AMZ1: variants seen among roughly 807,000 people sequenced by gnomAD.
AMZ1 encodes archaemetzincin-1.
In AMZ1, 39 loss-of-function variants were observed where a neutral mutation model predicts 29.9. The ratio of observed to expected loss-of-function variants is 1.30; its 90% CI spans 1.01 to 1.70. AMZ1 has a LOEUF of 1.70. Ranked by LOEUF, AMZ1 falls within the 40% of genes most tolerant of loss-of-function variation. The probability of loss-of-function intolerance (pLI) is 0.00; values close to 1 mark genes in which losing one functional copy is unlikely to be tolerated. For missense variants in AMZ1, 1,041 were observed against 680.6 expected, an observed-to-expected ratio of 1.53 and a Z score of -5.89; for synonymous variants, 458 against 304.0, an observed-to-expected ratio of 1.51 and a Z score of -5.27.
At chr7:2,738,422 A>G (rs1790322822) in intron 4 of AMZ1, among the ~76,000 whole-genome samples, 1 of 152,214 alleles carries the variant, frequency 6.6e-6, no homozygotes, top group Non-Finnish European at 1.5e-5. Flanking sequence ...GGGGCTACGC[A>G]CCGGCGAAGG....
At chr7:2,755,943 AT>A (rs1276542122) in intron 4 of AMZ1, among the ~76,000 whole-genome samples, 1 of 152,026 alleles carries the variant, frequency 6.6e-6, no homozygotes. Context: ...CCCAGCAGGC[AT>A]TTTTTTTGGT....
At chr7:2,725,443 T>C (rs1338069769) in intron 4 of AMZ1, among the ~76,000 whole-genome samples, 1 of 152,144 alleles carries the variant, frequency 6.6e-6, no homozygotes. Flanking sequence ...AGCCCAGAAA[T>C]CCAATGCGTC....
rs144660885 is a variant in AMZ1 at position 2,718,568 on chromosome 7, G to T, written c.*5690G>T. On this transcript the variant is annotated 3_prime_UTR_variant, in exon 7 of 7. Coordinates refer to ENST00000683327, the MANE Select transcript of AMZ1 (RefSeq NM_001384743.1). ...GCACGTGGACGAAGGTGATGAGCGC[G>T]GCTGACGGCTCCCGGGGGCAGTGTG... Among the ~76,000 whole-genome samples the T allele has an allele frequency of 2.0e-5, 3 of 152,220 alleles. No homozygotes were observed. The highest frequency in any genetic ancestry group is 7.2e-5 in the African/African-American group (3 of 41,458).
At chr7:2,685,350 G>T (rs977798294), upstream of AMZ1, among the ~76,000 whole-genome samples, 1 of 151,622 alleles carries the variant, frequency 6.6e-6, no homozygotes, top group East Asian at 2.0e-4. Flanking sequence ...TTGAAGTCAG[G>T]AGTTCGAGAC....
intron 3 of AMZ1, among the ~76,000 whole-genome samples, chr7:2,704,050 A>G (rs1052667409): frequency 3.9e-5 from 6 of 152,232 alleles, no homozygotes; most frequent in East Asian, 1.9e-4. Context: ...CACCATGCCC[A>G]GCTAATTTTT....
chr7:2,721,032 G>A (rs773541939), downstream of AMZ1, among the ~76,000 whole-genome samples: 14 of 152,220 alleles, frequency 9.2e-5, no homozygotes, highest in African/African-American at 3.1e-4. Context: ...GACCCTGCGG[G>A]CTGTCATCGC....
chr7:2,746,321 G>C (rs1001533692), intron 4 of AMZ1, among the ~76,000 whole-genome samples: 1 of 152,106 alleles, frequency 6.6e-6, no homozygotes, highest in Non-Finnish European at 1.5e-5. Flanking sequence ...ATAACAAACT[G>C]TCTCTCAGAC....
rs147015052 is a variant in AMZ1 at position 2,725,217 on chromosome 7, T to C, written n.550+15401T>C. On this transcript the variant is annotated intron_variant and non_coding_transcript_variant, in intron 4 of 4. Transcript: ENST00000489665. ...TAGCTAAGGCCCAAAGCATGGCTGT[T>C]CTGGGCCCTCAGGTCCTCCGGGTTC... Among the ~76,000 whole-genome samples, 192 of 152,350 alleles carry C rather than the reference T, an allele frequency of 1.3e-3. 1 individual carries two copies. In the East Asian group the frequency reaches 0.013, roughly 10 times the overall value.
intron 4 of AMZ1, chr7:2,733,464 C>G: frequency 1.2e-6 from 2 of 1,613,820 alleles, no homozygotes; most frequent in Non-Finnish European, 1.7e-6. Context: ...CTGGCCGATC[C>G]GGTCCAAGTT....
rs1474899272 is a variant in AMZ1, at chr7:2,718,253, C to A, written c.*5375C>A. On this transcript the variant is annotated 3_prime_UTR_variant, in exon 7 of 7. Transcript: ENST00000683327. The stretch of plus-strand genomic sequence containing the variant: ...CTCTGATGCCGAGAGCTCTGGCTCT[C>A]CTGACTGTGGGCCCAGTGTCCATTT... Among the ~76,000 whole-genome samples, 4 of 152,224 alleles carry A rather than the reference C, an allele frequency of 2.6e-5. 1 individual carries two copies.
chr7:2,680,304 G>C (rs1233237758), intron 1 of AMZ1, among the ~76,000 whole-genome samples: 1 of 152,112 alleles, frequency 6.6e-6, no homozygotes, highest in East Asian at 1.9e-4. Context: ...TCGGCTCTCT[G>C]GGGACCTGCC....
intron 3 of AMZ1, among the ~76,000 whole-genome samples, chr7:2,706,244 T>A (rs1174250124): frequency 6.6e-6 from 1 of 152,192 alleles, no homozygotes; most frequent in Non-Finnish European, 1.5e-5. Context: ...GGTGCGATCA[T>A]AGCTCCCTGC....
At chr7:2,685,583 G>A (rs867738129), upstream of AMZ1, among the ~76,000 whole-genome samples, 6 of 149,782 alleles carry the variant, frequency 4.0e-5, no homozygotes, top group East Asian at 2.0e-4. Flanking sequence ...GGCCGGGTGC[G>A]GTGGCTCATG....
downstream of AMZ1, among the ~76,000 whole-genome samples, chr7:2,721,854 A>AATC (rs1789435357): frequency 6.6e-6 from 1 of 152,228 alleles, no homozygotes; most frequent in African/African-American, 2.4e-5. Context: ...GATTTATAAA[A>AATC]ATCATATATA....
At chr7:2,706,831 C>CA (rs202202666) in intron 3 of AMZ1, among the ~76,000 whole-genome samples, 1 of 140,072 alleles carries the variant, frequency 7.1e-6, no homozygotes, top group African/African-American at 3.3e-5. Flanking sequence ...CACTGTCAAT[C>CA]ATCATCACCT....
intron 3 of AMZ1, 127 bp downstream of exon 3, chr7:2,703,016 C>T (rs1193389893): frequency 1.5e-6 from 2 of 1,333,174 alleles, no homozygotes; most frequent in African/African-American, 3.0e-5. Context: ...ATCCATTTCC[C>T]AGGTGTTTGG....
In AMZ1 at chr7:2,700,459, A is replaced by C. The variant is rs774499731; in HGVS notation, c.8A>C (p.Gln3Pro). 14 of 1,600,000 alleles carry C rather than the reference A, an allele frequency of 8.7e-6. No individual in the cohort carries two copies. The African/African-American group carries it at 1.7e-4, about 20-fold the overall frequency. Residue 3 changes from glutamine to proline, a missense_variant, in exon 2 of 7, where the codon CAG (glutamine) becomes CCG (proline). Transcript: ENST00000683327. ...AGGCCCTGCCCGCCCACCATGCTGCAGTGTAGACCCGCACAGGAGTTCAGC... is the reference window on the plus strand; with the variant it reads ...AGGCCCTGCCCGCCCACCATGCTGCCGTGTAGACCCGCACAGGAGTTCAGC... ML[Q>P]CRPAQEFSFG...
At chr7:2,762,499 G>C (rs569333076), upstream of AMZ1, 2 of 852,374 alleles carry the variant, frequency 2.3e-6, no homozygotes, top group African/African-American at 3.5e-5. Flanking sequence ...TGAGGTGTGA[G>C]TAGCCTAACT....
At position 2,715,896 on chromosome 7, in the gene AMZ1, G is replaced by T. The variant is rs553996926; in HGVS notation, c.*3018G>T. 5 of 144,750 alleles carry T rather than the reference G, an allele frequency of 3.5e-5. No individual in the cohort carries two copies. The highest frequency in any genetic ancestry group is 3.5e-3 in the Middle Eastern group (1 of 282). The allele number at this position is 144,750 out of a possible 1,614,324, so 9.0% of individuals were successfully genotyped here. On this transcript the variant is annotated 3_prime_UTR_variant, in exon 7 of 7. Transcript: ENST00000683327. ...TAAATTTAGAGATGATGGTTTCCAA[G>T]ACACACAGGGCCACGGTTCTTTCAG...
Sources: allele counts gnomAD v4.1 joint callset (sites outside exome capture counted in the v4.1 genomes callset), GRCh38; gene constraint gnomAD v4.1.1; transcripts MANE v1.5; gene names NCBI Gene and HGNC (gene_info 2026-07-23, HGNC 2026-07-21).